Variants in ORC1 observed in about 807,000 individuals in gnomAD.
ORC1 encodes origin recognition complex, subunit 1 homolog.
A neutral mutation model predicts 98.9 loss-of-function variants in ORC1; 61 were observed. The ratio of observed to expected loss-of-function variants is 0.62; its 90% CI spans 0.50 to 0.76. ORC1 has a LOEUF of 0.76. Ranked by LOEUF, ORC1 falls within the 30% of genes least tolerant of loss-of-function variation. The pLI is 0.00. For synonymous variants in ORC1, 385 were observed against 406.9 expected, an observed-to-expected ratio of 0.95 and a Z score of 0.65; for missense variants, 979 against 1,072.2, an observed-to-expected ratio of 0.91 and a Z score of 1.21.
At position 52,396,075 on chromosome 1, in the gene ORC1, G is replaced by T; in HGVS notation, c.692C>A (p.Pro231Gln). 1 of 1,614,140 alleles carries T rather than the reference G, an allele frequency of 6.2e-7. No individual in the cohort carries two copies. Among genetic ancestry groups the T allele is most frequent in the Non-Finnish European group, 8.5e-7 (1 of 1,180,030 alleles). The change falls in exon 5 of 17, where the codon CCA becomes CAA. Residue 231 changes from proline to glutamine, a missense_variant. Pro to Gln is a moderately conservative substitution (Grantham distance 76). Transcript: ENST00000371568. ...SRQTPTHPLT[P>Q]RARKRLELGN... is the part of the protein sequence containing the mutation. The stretch of plus-strand genomic sequence containing the variant: ...AAGCTCCAGCCTCTTTCTGGCTCTT[G>T]GGGTAAGAGGATGGGTAGGAGTTTG...
At chr1:52,405,909 G>A (rs1335685263), upstream of ORC1, 9 of 1,324,444 alleles carry the variant, frequency 6.8e-6, no homozygotes, top group East Asian at 1.4e-4. Flanking sequence ...CTTTGGTTAA[G>A]AGGGGTGTAC....
intron 16 of ORC1, 86 bp downstream of exon 16, chr1:52,374,724 G>A (rs960507471): frequency 5.7e-6 from 5 of 873,764 alleles, no homozygotes; most frequent in Non-Finnish European, 9.5e-6. Flanking sequence ...GCACAAAATA[G>A]AGTGTCACAC....
chr1:52,390,245 T>C (rs1323473905), intron 6 of ORC1, among the ~76,000 whole-genome samples: 1 of 152,064 alleles, frequency 6.6e-6, no homozygotes, highest in Admixed American at 6.6e-5. Flanking sequence ...GACAAAGCAA[T>C]ACTAAGCAAA....
chr1:52,374,120 G>A (rs1224698038), intron 16 of ORC1, among the ~76,000 whole-genome samples: 1 of 152,186 alleles, frequency 6.6e-6, no homozygotes, highest in Non-Finnish European at 1.5e-5. Context: ...TTCAGGAAAT[G>A]TTTACAAACT....
rs2147951329 is a variant in ORC1 at position 52,404,296 on chromosome 1, C to T, written c.-56G>A. 1 of 154,858 alleles carries T rather than the reference C, an allele frequency of 6.5e-6. No individual in the cohort carries two copies. The highest frequency in any genetic ancestry group is 1.4e-5 in the Non-Finnish European group (1 of 69,022). 9.6% of individuals were successfully genotyped at this position (154,858 alleles called of 1,614,324 possible). A position where few individuals can be genotyped will look rare whatever the true frequency, so the allele number is the denominator to read the frequency against. On this transcript the variant is annotated 5_prime_UTR_variant, in exon 1 of 17. Transcript: ENST00000371568. ...GCCGCAAGCCCTCCGTTTCCTACCG[C>T]CTCCACTTCGAGAGCTCCGGGGGAT...
At chr1:52,392,137 CTT>C (rs1458293327) in intron 6 of ORC1, among the ~76,000 whole-genome samples, 1 of 144,544 alleles carries the variant, frequency 6.9e-6, no homozygotes, top group Non-Finnish European at 1.5e-5. Flanking sequence ...GGGAACACTT[CTT>C]TTTTTTTTTT....
At chr1:52,408,488 A>G (rs539562573), upstream of ORC1, 227 of 1,577,718 alleles carry the variant, frequency 1.4e-4, no homozygotes, top group Middle Eastern at 1.7e-3. Flanking sequence ...ATGTTTATCC[A>G]CTACTGTCAT....
In ORC1 at chr1:52,397,675, C is replaced by A; in HGVS notation, c.402+10G>T. The A allele has an allele frequency of 6.2e-7, 1 of 1,613,734 alleles. No individual in the cohort carries two copies. Among genetic ancestry groups the A allele is most frequent in the Non-Finnish European group, 8.5e-7 (1 of 1,179,688 alleles). The stretch of plus-strand genomic sequence containing the variant: ...TTCAAGGTAGAACCAAGGATGGTGG[C>A]ATCACCTACCCGAACAAGGCCAATG... On this transcript the variant is annotated intron_variant, in intron 4 of 16. Coordinates refer to ENST00000371568, the MANE Select transcript of ORC1 (RefSeq NM_004153.4).
intron 3 of ORC1, among the ~76,000 whole-genome samples, chr1:52,400,727 C>T (rs539905172): frequency 6.6e-6 from 1 of 152,228 alleles, no homozygotes; most frequent in Admixed American, 6.5e-5. Context: ...AGCAAATCAG[C>T]TAAGGCTTTC....
intron 13 of ORC1, among the ~76,000 whole-genome samples, chr1:52,382,546 T>C (rs993810942): frequency 9.3e-5 from 14 of 151,276 alleles, no homozygotes; most frequent in Non-Finnish European, 2.1e-4. Context: ...CACCTAACAC[T>C]GCCTGGCAGG....
chr1:52,387,250 G>A (rs1647154015), intron 8 of ORC1, among the ~76,000 whole-genome samples: 1 of 152,098 alleles, frequency 6.6e-6, no homozygotes, highest in Non-Finnish European at 1.5e-5. Context: ...TCATAGGAGT[G>A]CAAATCCTAT....
At position 52,373,041 on chromosome 1, in the gene ORC1, G is replaced by C; in HGVS notation, c.*140C>G. On this transcript the variant is annotated 3_prime_UTR_variant, in exon 17 of 17. Coordinates refer to ENST00000371568, the MANE Select transcript of ORC1 (RefSeq NM_004153.4). The stretch of plus-strand genomic sequence containing the variant: ...CAGCCACCTGGGAGGATGAGGTTGG[G>C]GGGTCACCTAAGCCTGAGAAGTCAA... 1 of 883,332 alleles carries C rather than the reference G, an allele frequency of 1.1e-6. No individual in the cohort carries two copies. The highest frequency in any genetic ancestry group is 2.5e-5 in the East Asian group (1 of 40,766). The allele number at this position is 883,332 out of a possible 1,614,324, so 54.7% of individuals were successfully genotyped here. A position where few individuals can be genotyped will look rare whatever the true frequency, so the allele number is the denominator to read the frequency against.
intron 3 of ORC1, among the ~76,000 whole-genome samples, chr1:52,398,738 C>T (rs1289741925): frequency 2.6e-5 from 4 of 152,034 alleles, no homozygotes; most frequent in African/African-American, 7.2e-5. Context: ...CCCGCCATCA[C>T]GCCCAGCTAA....
intron 14 of ORC1, among the ~76,000 whole-genome samples, chr1:52,377,780 G>A (rs2147913401): frequency 6.8e-6 from 1 of 147,792 alleles, no homozygotes; most frequent in Non-Finnish European, 1.5e-5. Context: ...TCAAATAAAG[G>A]AGCATGCTGA....
At position 52,390,850 on chromosome 1, in the gene ORC1, C is replaced by T. The variant is rs543961883; in HGVS notation, c.1083-1529G>A. On this transcript the variant is annotated intron_variant, in intron 6 of 16. Coordinates refer to ENST00000371568, the MANE Select transcript of ORC1 (RefSeq NM_004153.4). ...GAGGTTGCAGTAATCCGAGATCGTG[C>T]CATTGCACTCCAGCCTGGACAACAA... is the stretch of plus-strand genomic sequence containing the variant. 7.3e-5 allele frequency among the ~76,000 whole-genome samples: 11 copies of T among 150,018 alleles called. No individual in the cohort carries two copies. In the East Asian group the frequency reaches 2.2e-3, roughly 29 times the overall value.
At chr1:52,405,885 G>A (rs758403636), upstream of ORC1, 7 of 1,566,870 alleles carry the variant, frequency 4.5e-6, no homozygotes, top group Non-Finnish European at 5.3e-6. Flanking sequence ...TAATTTTGGC[G>A]GTTTAGAATT....
chr1:52,381,946 T>C (rs968385450), intron 13 of ORC1, among the ~76,000 whole-genome samples, 185 bp from the exon 14 acceptor site: 2 of 152,168 alleles, frequency 1.3e-5, no homozygotes, highest in Non-Finnish European at 2.9e-5. Context: ...CAGTAGTTTT[T>C]GAACTATTTT....
At chr1:52,383,959 T>C (rs1647107595) in intron 11 of ORC1, 22 bp from the exon 12 acceptor site, 2 of 1,591,976 alleles carry the variant, frequency 1.3e-6, no homozygotes, top group South Asian at 1.1e-5. Flanking sequence ...GAAACACAGT[T>C]GTGAGGAACT....
At chr1:52,401,534 G>A (rs1179999312) in intron 2 of ORC1, 45 bp from the exon 3 acceptor site, 1 of 1,610,466 alleles carries the variant, frequency 6.2e-7, no homozygotes, top group Admixed American at 1.7e-5. Context: ...CTTAAAGTGG[G>A]TCAAGCTCTT....
Sources: allele counts gnomAD v4.1 joint callset (sites outside exome capture counted in the v4.1 genomes callset), GRCh38; gene constraint gnomAD v4.1.1; transcripts MANE v1.5; gene names NCBI Gene and HGNC (gene_info 2026-07-23, HGNC 2026-07-21).